The following MAP7D2 variants were observed in gnomAD, a reference collection of about 807,000 sequenced individuals.
MAP7D2 encodes MAP7 domain-containing protein 2.
Under a neutral mutation model 63.5 loss-of-function variants are expected in MAP7D2, and 33 were observed. The observed-to-expected ratio is 0.52, with a 90% CI of 0.39 to 0.70. The LOEUF (loss-of-function observed/expected upper bound fraction) is 0.70, where lower values mean the gene tolerates loss of function less well. Ranked by LOEUF, MAP7D2 falls within the 30% of genes least tolerant of loss-of-function variation. The pLI is 0.00. For missense variants in MAP7D2, 626 were observed against 604.0 expected (o/e 1.04, Z -0.38); for synonymous variants, 224 against 223.7 (o/e 1.00, Z -0.01).
At chrX:20,094,867 T>A (rs886121489) in intron 1 of MAP7D2, among the ~76,000 whole-genome samples, 4 of 107,696 alleles carry the variant, frequency 3.7e-5, no homozygotes, top group African/African-American at 1.3e-4. Flanking sequence ...TATCCTGTTT[T>A]AAGAGTATTA....
chrX:20,041,727 C>T (rs757909975), intron 8 of MAP7D2, among the ~76,000 whole-genome samples: 4 of 112,284 alleles, frequency 3.6e-5, no homozygotes, highest in Non-Finnish European at 7.5e-5. Flanking sequence ...TTTCCACTGT[C>T]CTACTGGACT....
chrX:20,043,525 G>T (rs1405178633), intron 7 of MAP7D2, among the ~76,000 whole-genome samples: 1 of 111,290 alleles, frequency 9.0e-6, no homozygotes, highest in Non-Finnish European at 1.9e-5. Flanking sequence ...GAGGCCTCCT[G>T]CCAACAGCCA....
At chrX:20,092,303 C>T (rs1390390583) in intron 1 of MAP7D2, among the ~76,000 whole-genome samples, 5 of 111,245 alleles carry the variant, frequency 4.5e-5, no homozygotes, top group African/African-American at 1.3e-4. Context: ...GGCACTTTGA[C>T]GTACTGAACT....
intron 4 of MAP7D2, 53 bp downstream of exon 4, chrX:20,056,627 G>C: frequency 9.7e-7 from 1 of 1,032,417 alleles, no homozygotes; most frequent in Non-Finnish European, 1.4e-6. Flanking sequence ...TCCCCTGCCT[G>C]CTCCATTATT....
chrX:20,045,158 G>A (rs142872181), intron 6 of MAP7D2, among the ~76,000 whole-genome samples: 3 of 111,027 alleles, frequency 2.7e-5, no homozygotes, highest in Admixed American at 9.6e-5. Context: ...AATTAAGCTC[G>A]TCCCATGTGA....
intron 1 of MAP7D2, among the ~76,000 whole-genome samples, chrX:20,102,398 G>A (rs948666945): frequency 5.4e-5 from 6 of 110,816 alleles, no homozygotes; most frequent in Admixed American, 9.7e-5. Context: ...AATTCCAGGT[G>A]AAGAGAACAG....
At chrX:20,079,517 G>T (rs1271096392) in intron 1 of MAP7D2, among the ~76,000 whole-genome samples, 1 of 111,470 alleles carries the variant, frequency 9.0e-6, no homozygotes, top group African/African-American at 3.3e-5. Context: ...GCCTCAATTG[G>T]ATTTTCTCCC....
At chrX:20,033,422 A>G (rs1380124488) in intron 8 of MAP7D2, among the ~76,000 whole-genome samples, 1 of 112,269 alleles carries the variant, frequency 8.9e-6, no homozygotes, top group African/African-American at 3.2e-5. Context: ...ACTTGGCCAC[A>G]CTGGATTTCT....
intron 1 of MAP7D2, among the ~76,000 whole-genome samples, chrX:20,070,110 G>A (rs1401745184): frequency 1.8e-5 from 2 of 110,568 alleles, no homozygotes; most frequent in African/African-American, 6.6e-5. Context: ...CACCACGCCT[G>A]GTTAACTTTT....
At chrX:20,009,663 CAAAAAAAAAA>C (rs35018861) in intron 16 of MAP7D2, among the ~76,000 whole-genome samples, 2 of 17,736 alleles carry the variant, frequency 1.1e-4, no homozygotes, top group Admixed American at 9.2e-4. Flanking sequence ...GATTCCATCT[CAAAAAAAAAA>C]AAAAAAAAAA....
intron 1 of MAP7D2, among the ~76,000 whole-genome samples, chrX:20,068,926 C>T (rs899439272): frequency 3.6e-5 from 4 of 111,770 alleles, no homozygotes; most frequent in African/African-American, 1.3e-4. Flanking sequence ...GCGTTTGCAT[C>T]TTCCTCATTT....
chrX:20,110,895 C>A (rs1192222389), intron 1 of MAP7D2, among the ~76,000 whole-genome samples: 1 of 111,154 alleles, frequency 9.0e-6, no homozygotes, highest in African/African-American at 3.3e-5. Context: ...GCTGCCCTCA[C>A]ATCAACAGGT....
chrX:20,052,070 C>A (rs2064965351), intron 5 of MAP7D2, among the ~76,000 whole-genome samples: 2 of 112,088 alleles, frequency 1.8e-5, no homozygotes, highest in Admixed American at 1.9e-4. Context: ...GGAAGGCACA[C>A]CAGCCTCTGC....
At chrX:20,097,097 T>C (rs1360488003) in intron 1 of MAP7D2, among the ~76,000 whole-genome samples, 3 of 111,515 alleles carry the variant, frequency 2.7e-5, no homozygotes, top group Non-Finnish European at 5.7e-5. Context: ...TTTTTTGCAA[T>C]GACAGAAGTG....
chrX:20,034,798 A>C (rs1233481863), intron 8 of MAP7D2, among the ~76,000 whole-genome samples: 6 of 111,831 alleles, frequency 5.4e-5, no homozygotes, highest in Non-Finnish European at 1.9e-5. Context: ...TTAGCAGCCA[A>C]ACAGACTAAC....
intron 1 of MAP7D2, among the ~76,000 whole-genome samples, chrX:20,100,658 G>C (rs2066406875): frequency 9.1e-6 from 1 of 110,431 alleles, no homozygotes; most frequent in Non-Finnish European, 1.9e-5. Context: ...GAGATTGGAA[G>C]ATGCTATGAT....
At chrX:20,111,379 T>C (rs1194287745) in intron 1 of MAP7D2, among the ~76,000 whole-genome samples, 1 of 110,566 alleles carries the variant, frequency 9.0e-6, no homozygotes, top group Non-Finnish European at 1.9e-5. Context: ...CCCTGTGGAG[T>C]GGGAATGTAC....
Position 20,116,762 on chromosome X carries a change from A to G in MAP7D2, c.118T>C (p.Tyr40His). The change falls in exon 1 of 17, where the codon TAC becomes CAC. Residue 40 changes from tyrosine (Y) to histidine (H), a missense_variant. Physicochemically the swap from Tyr to His is moderately conservative, Grantham distance 83. Transcript: ENST00000379643. ...CTGGGGATAATACCTTGAGGCCGGT[A>G]GTTGGGCTGAGAGGTCCGCACCGCG... ...PGAVRTSQPN[Y>H]RPQGMEGFLK... 8.5e-7 allele frequency: 1 copy of G among 1,181,503 alleles called. No individual in the cohort carries two copies. Among genetic ancestry groups the G allele is most frequent in the Non-Finnish European group, 1.1e-6 (1 of 881,502 alleles).
chrX:20,109,519 CAAAAAAAAA>C (rs60683453), intron 1 of MAP7D2, among the ~76,000 whole-genome samples: 1 of 33,001 alleles, frequency 3.0e-5, no homozygotes, highest in Non-Finnish European at 5.5e-5. Context: ...GACTCCGTCT[CAAAAAAAAA>C]AAAAAAAAAA....
Sources: allele counts gnomAD v4.1 joint callset (sites outside exome capture counted in the v4.1 genomes callset), GRCh38; gene constraint gnomAD v4.1.1; transcripts MANE v1.5; gene names NCBI Gene and HGNC (gene_info 2026-07-23, HGNC 2026-07-21).